PARD3B: variants seen among roughly 807,000 people sequenced by gnomAD.
PARD3B encodes the protein partitioning defective 3 homolog B.
A neutral mutation model predicts 130.2 loss-of-function variants in PARD3B; 103 were observed. That is an observed-to-expected ratio of 0.79 (90% CI 0.67 to 0.93). The LOEUF (loss-of-function observed/expected upper bound fraction) is 0.93, where lower values mean the gene tolerates loss of function less well. Among genes scored for constraint, PARD3B ranks in the 40% least tolerant of loss-of-function variants. The probability of loss-of-function intolerance (pLI) is 0.00; values close to 1 mark genes in which losing one functional copy is unlikely to be tolerated. For missense variants in PARD3B, 1,609 were observed against 1,499.2 expected, an observed-to-expected ratio of 1.07 and a Z score of -1.21; for synonymous variants, 583 against 553.2, an observed-to-expected ratio of 1.05 and a Z score of -0.76.
intron 2 of PARD3B, among the ~76,000 whole-genome samples, chr2:204,889,895 T>C (rs963504179): frequency 6.6e-6 from 1 of 152,204 alleles, no homozygotes; most frequent in African/African-American, 2.4e-5. Flanking sequence ...AATAACAAAC[T>C]GGTTTTCTAA....
intron 20 of PARD3B, among the ~76,000 whole-genome samples, chr2:205,498,964 G>A (rs1286894199): frequency 6.6e-6 from 1 of 152,116 alleles, no homozygotes; most frequent in East Asian, 1.9e-4. Context: ...CAGACTATTT[G>A]TTTTTGCAGG....
intron 2 of PARD3B, among the ~76,000 whole-genome samples, chr2:204,838,972 G>A (rs1434845402): frequency 2.0e-5 from 3 of 152,162 alleles, no homozygotes; most frequent in Admixed American, 2.0e-4. Context: ...ACTATGTGTA[G>A]ATCATAAGTT....
At chr2:204,586,176 T>G (rs182474488) in intron 1 of PARD3B, among the ~76,000 whole-genome samples, 2 of 152,314 alleles carry the variant, frequency 1.3e-5, no homozygotes, top group Admixed American at 1.3e-4. Flanking sequence ...TGGTACCATA[T>G]TTTCTTTCTA....
At chr2:205,481,732 A>T (rs1338340798) in intron 20 of PARD3B, among the ~76,000 whole-genome samples, 1 of 152,208 alleles carries the variant, frequency 6.6e-6, no homozygotes, top group African/African-American at 2.4e-5. Context: ...AGAGATAAGG[A>T]GGTTACACAA....
At chr2:204,809,848 A>T (rs2042902866) in intron 2 of PARD3B, among the ~76,000 whole-genome samples, 1 of 152,094 alleles carries the variant, frequency 6.6e-6, no homozygotes, top group African/African-American at 2.4e-5. Context: ...GGCCATTTTA[A>T]TGATATTGAT....
At chr2:205,307,503 A>G (rs538979362) in intron 18 of PARD3B, among the ~76,000 whole-genome samples, 3 of 152,158 alleles carry the variant, frequency 2.0e-5, no homozygotes, top group Admixed American at 2.0e-4. Flanking sequence ...AGTTCCATAC[A>G]TATTGTGCTC....
intron 2 of PARD3B, among the ~76,000 whole-genome samples, chr2:204,816,785 T>G (rs1402314202): frequency 6.6e-6 from 1 of 152,064 alleles, no homozygotes; most frequent in Non-Finnish European, 1.5e-5. Context: ...TTTTATAGTT[T>G]TAATAAAATT....
At chr2:205,156,274 G>GGA (rs2034140699) in intron 10 of PARD3B, among the ~76,000 whole-genome samples, 5 of 139,164 alleles carry the variant, frequency 3.6e-5, no homozygotes, top group Admixed American at 7.1e-5. Flanking sequence ...GGGTGGGCGG[G>GGA]GGGGGGAGGA....
chr2:205,354,820 G>T (rs965230661), intron 18 of PARD3B, among the ~76,000 whole-genome samples: 4 of 152,148 alleles, frequency 2.6e-5, no homozygotes, highest in African/African-American at 9.7e-5. Flanking sequence ...AAGTTGAAAT[G>T]GGGAGGGAGG....
chr2:205,214,627 A>G lies in PARD3B; in HGVS notation c.2140+21307A>G, dbSNP rs62172739. On this transcript the variant is annotated intron_variant, in intron 15 of 22. Transcript: ENST00000406610. ...TTATGCAAATTTTTATCTGCAAAGC[A>G]ATTTTTGTATTTAGGTTTAATCAAA... Among the ~76,000 whole-genome samples the G allele has an allele frequency of 3.2e-3, 489 of 152,218 alleles. 2 individuals are homozygous for G. The highest frequency in any genetic ancestry group is 5.5e-3 in the Non-Finnish European group (373 of 67,980).
chr2:204,744,925 A>G (rs890195971), intron 2 of PARD3B, among the ~76,000 whole-genome samples: 1 of 152,168 alleles, frequency 6.6e-6, no homozygotes, highest in Admixed American at 6.6e-5. Flanking sequence ...GGGGCTGTCC[A>G]GTCAGATGCA....
rs142799406 is a variant in PARD3B, at chr2:205,489,874, T to C, written c.3045-10022T>C. On this transcript the variant is annotated intron_variant, in intron 20 of 22. Transcript: ENST00000406610. ...AGATACAGAAGCAGAATGTTCTGAT[T>C]AGAAGCCAGCCTTGCATTGCCCCAA... Among the ~76,000 whole-genome samples the C allele has an allele frequency of 2.5e-3, 387 of 152,256 alleles. 5 individuals are homozygous for C. The highest frequency in any genetic ancestry group is 8.9e-3 in the African/African-American group (369 of 41,570).
chr2:205,104,534 A>G lies in PARD3B; in HGVS notation c.593+20A>G, dbSNP rs1219309828. ...ATTGAGGTATTCTCTTTATACAGAT[A>G]AGAATATCTGATTTATTTCAATTTG... On this transcript the variant is annotated intron_variant, in intron 5 of 22. Transcript: ENST00000406610. 1 of 1,379,354 alleles carries G rather than the reference A, an allele frequency of 7.2e-7. No homozygotes were observed. Among genetic ancestry groups the G allele is most frequent in the Non-Finnish European group, 1.0e-6 (1 of 972,386 alleles). The allele number at this position is 1,379,354 out of a possible 1,614,324, so 85.4% of individuals were successfully genotyped here.
At chr2:205,577,744 C>T (rs1575407295) in intron 22 of PARD3B, among the ~76,000 whole-genome samples, 1 of 152,130 alleles carries the variant, frequency 6.6e-6, no homozygotes, top group East Asian at 1.9e-4. Context: ...CTTAGGTTAA[C>T]AGTGTCTCCA....
At chr2:205,343,222 A>G (rs982047759) in intron 18 of PARD3B, among the ~76,000 whole-genome samples, 1 of 152,200 alleles carries the variant, frequency 6.6e-6, no homozygotes, top group African/African-American at 2.4e-5. Context: ...TGTTCCCATC[A>G]AATATCTCCT....
Position 205,499,919 on chromosome 2 carries a change from C to A in PARD3B, c.3068C>A (p.Thr1023Asn). Residue 1023 changes from threonine (T) to asparagine (N), a missense_variant, in exon 21 of 23, where the codon ACT (threonine) becomes AAT (asparagine). By Grantham distance (65) the Thr-to-Asn change is moderately conservative. Coordinates refer to ENST00000406610, the MANE Select transcript of PARD3B (RefSeq NM_001302769.2). ...AGTGGCCGTCCTACGGGTGGAAGCA[C>A]TGACCGTATCCAGAAGTTGCGGAAA... is the stretch of plus-strand genomic sequence containing the variant. ...ADSGRPTGGS[T>N]DRIQKLRKEY... 3.7e-6 allele frequency: 6 copies of A among 1,613,784 alleles called. No individual in the cohort carries two copies. The highest frequency in any genetic ancestry group is 5.1e-6 in the Non-Finnish European group (6 of 1,179,728).
intron 18 of PARD3B, among the ~76,000 whole-genome samples, chr2:205,317,571 T>C (rs772256186): frequency 6.6e-6 from 1 of 152,130 alleles, no homozygotes; most frequent in African/African-American, 2.4e-5. Flanking sequence ...AGGAAACTCC[T>C]CAGTTTAAGG....
chr2:205,375,047 C>G (rs2044986363), intron 18 of PARD3B, among the ~76,000 whole-genome samples: 1 of 152,044 alleles, frequency 6.6e-6, no homozygotes, highest in South Asian at 2.1e-4. Flanking sequence ...ACATAGGTAA[C>G]CCCATAATGT....
intron 15 of PARD3B, among the ~76,000 whole-genome samples, chr2:205,194,716 A>G (rs1484911969): frequency 6.6e-6 from 1 of 152,048 alleles, no homozygotes. Flanking sequence ...ATATTATGAA[A>G]CCTGTAAAAA....
Sources: gnomAD v4.1 joint callset for allele counts (sites outside exome capture counted in the v4.1 genomes callset) on GRCh38, gnomAD v4.1.1 for gene constraint, MANE v1.5 for transcripts, NCBI Gene and HGNC (gene_info 2026-07-23, HGNC 2026-07-21) for gene names.